PLEKHG1: variants seen among roughly 807,000 people sequenced by gnomAD.
PLEKHG1 encodes pleckstrin homology and RhoGEF domain containing G1.
Under a neutral mutation model 100.8 loss-of-function variants are expected in PLEKHG1, and 44 were observed. The ratio of observed to expected loss-of-function variants is 0.44; its 90% CI spans 0.34 to 0.56. The LOEUF (loss-of-function observed/expected upper bound fraction) is 0.56, where lower values mean the gene tolerates loss of function less well. PLEKHG1 is among the 20% of genes least tolerant of loss of function. PLEKHG1 has a pLI of 0.01. For synonymous variants in PLEKHG1, 640 were observed against 662.5 expected (o/e 0.97, Z 0.52); for missense variants, 1,545 against 1,720.9 (o/e 0.90, Z 1.81).
intron 3 of PLEKHG1, among the ~76,000 whole-genome samples, chr6:150,688,423 T>A (rs1459399032): frequency 6.6e-6 from 1 of 152,086 alleles, no homozygotes; most frequent in Non-Finnish European, 1.5e-5. Flanking sequence ...CGGGTTCAAG[T>A]GATTCTCATA....
intron 1 of PLEKHG1, among the ~76,000 whole-genome samples, chr6:150,607,599 C>T (rs17421895): frequency 0.031 from 4,671 of 152,232 alleles, 119 homozygotes; most frequent in Admixed American, 0.075. Context: ...TAAAGGTGAA[C>T]GATGCCGTGT....
intron 1 of PLEKHG1, among the ~76,000 whole-genome samples, chr6:150,631,896 G>A (rs955439948): frequency 5.3e-5 from 8 of 152,160 alleles, no homozygotes; most frequent in African/African-American, 1.2e-4. Flanking sequence ...GCTTTCTAGC[G>A]GCCTCCTTCC....
intron 2 of PLEKHG1, among the ~76,000 whole-genome samples, chr6:150,739,673 AAAAC>A (rs1782748456): frequency 3.3e-5 from 5 of 152,246 alleles, no homozygotes; most frequent in Middle Eastern, 3.4e-3. Context: ...GTCAAAAAAA[AAAAC>A]AAAAAAACAA....
intron 1 of PLEKHG1, among the ~76,000 whole-genome samples, chr6:150,724,264 C>T (rs761708054): frequency 1.3e-5 from 2 of 152,178 alleles, no homozygotes; most frequent in Non-Finnish European, 2.9e-5. Flanking sequence ...GGGCATATAT[C>T]GTTTCTACTG....
chr6:150,825,427 A>C (rs1776543116), intron 14 of PLEKHG1, among the ~76,000 whole-genome samples: 1 of 152,116 alleles, frequency 6.6e-6, no homozygotes, highest in South Asian at 2.1e-4. Flanking sequence ...AAAAAAGTAC[A>C]AAAATGAGCT....
chr6:150,767,514 A>G (rs549049196), intron 2 of PLEKHG1, among the ~76,000 whole-genome samples: 4 of 152,368 alleles, frequency 2.6e-5, no homozygotes, highest in Admixed American at 2.6e-4. Flanking sequence ...CACTTGAGAA[A>G]GTTAATGATG....
chr6:150,827,803 CAT>C, intron 14 of PLEKHG1: 1 of 1,427,338 alleles, frequency 7.0e-7, no homozygotes, highest in Non-Finnish European at 9.9e-7. Flanking sequence ...GTGGTGAAAA[CAT>C]ATGAAGATAT....
intron 3 of PLEKHG1, among the ~76,000 whole-genome samples, chr6:150,656,020 A>C (rs1778956141): frequency 6.6e-6 from 1 of 152,122 alleles, no homozygotes; most frequent in Admixed American, 6.5e-5. Flanking sequence ...TGGGTGTAGC[A>C]GACCGACATG....
chr6:150,710,445 A>G (rs969597662), intron 3 of PLEKHG1, among the ~76,000 whole-genome samples: 1 of 152,068 alleles, frequency 6.6e-6, no homozygotes, highest in Non-Finnish European at 1.5e-5. Context: ...CACACCTTTT[A>G]AGGACCCAGT....
chr6:150,838,292 T>G (rs1029433639), intron 15 of PLEKHG1, among the ~76,000 whole-genome samples: 16 of 152,248 alleles, frequency 1.1e-4, no homozygotes, highest in Admixed American at 8.5e-4. Context: ...ATAGGATGCG[T>G]TAGAGGAACC....
intron 10 of PLEKHG1, among the ~76,000 whole-genome samples, chr6:150,812,060 G>A (rs1460070451): frequency 6.6e-6 from 1 of 152,150 alleles, no homozygotes; most frequent in African/African-American, 2.4e-5. Context: ...TAAAAGTCAA[G>A]GCTGAGTCAG....
intron 3 of PLEKHG1, among the ~76,000 whole-genome samples, chr6:150,784,578 G>A (rs1338411386): frequency 1.3e-5 from 2 of 152,118 alleles, no homozygotes; most frequent in Non-Finnish European, 2.9e-5. Context: ...ACCAGCAAAG[G>A]CTATCATTAG....
rs1787375484 is a variant in PLEKHG1 at position 150,809,747 on chromosome 6, A to G, written c.1278+13A>G. 2 of 1,584,900 alleles carry G rather than the reference A, an allele frequency of 1.3e-6. No individual in the cohort carries two copies. Among genetic ancestry groups the G allele is most frequent in the Middle Eastern group, 1.7e-4 (1 of 5,988 alleles). ...GATTCCAGCTAAGGTAGGACACTGAATAATGCACAGTGAAATGGGAGAGAG... is the reference window on the plus strand; with the variant it reads ...GATTCCAGCTAAGGTAGGACACTGAGTAATGCACAGTGAAATGGGAGAGAG... On this transcript the variant is annotated intron_variant, in intron 10 of 15. Coordinates refer to ENST00000358517, the Ensembl canonical transcript of PLEKHG1.
intron 13 of PLEKHG1, 97 bp from the exon 15 acceptor site, chr6:150,823,557 T>C: frequency 1.3e-6 from 1 of 795,994 alleles, no homozygotes; most frequent in Non-Finnish European, 2.1e-6. Context: ...CTTCAATTAC[T>C]AGTAATAAGT....
intron 2 of PLEKHG1, among the ~76,000 whole-genome samples, chr6:150,740,578 C>T (rs1450499104): frequency 6.6e-6 from 1 of 152,114 alleles, no homozygotes; most frequent in African/African-American, 2.4e-5. Context: ...TTTTTAAATA[C>T]CGAGGGAGAA....
chr6:150,763,624 G>A (rs1454609487), intron 2 of PLEKHG1, among the ~76,000 whole-genome samples: 3 of 152,168 alleles, frequency 2.0e-5, no homozygotes, highest in Non-Finnish European at 4.4e-5. Flanking sequence ...CTCTGCAGAT[G>A]GGGCCTGCTA....
At chr6:150,840,434 G>A (rs762719232) in exon 16 of PLEKHG1, 221 of 1,614,032 alleles carry the variant, frequency 1.4e-4, no homozygotes, top group Non-Finnish European at 1.8e-4. Flanking sequence ...CGCATCAACA[G>A]GGCACTGAAA....
rs781617609 is a variant in PLEKHG1, at chr6:150,831,941, G to A, written c.2830G>A (p.Asp944Asn). ...TCTGGCTAGTGAAATGCCCCTCATG[G>A]ACAATCCCTACGACCTGGCCAACAG... Residue 944 changes from aspartate (D) to asparagine (N), a missense_variant, in exon 15 of 16, where the codon GAC becomes AAC. Physicochemically the swap from Asp to Asn is conservative, Grantham distance 23. Transcript: ENST00000358517. The surrounding 1 kb of genome is among the most constrained non-coding windows in gnomAD (Gnocchi z 4.1). The A allele has an allele frequency of 6.2e-7, 1 of 1,613,922 alleles. No homozygotes were observed. Among genetic ancestry groups the A allele is most frequent in the South Asian group, 1.1e-5 (1 of 91,076 alleles).
intron 5 of PLEKHG1, among the ~76,000 whole-genome samples, chr6:150,800,050 G>GTTT (rs1786595342): frequency 6.6e-6 from 1 of 152,170 alleles, no homozygotes; most frequent in Non-Finnish European, 1.5e-5. Flanking sequence ...CCTCATCTGA[G>GTTT]GCGCACTCCG....
Sources: allele counts gnomAD v4.1 joint callset (sites outside exome capture counted in the v4.1 genomes callset), GRCh38; gene constraint gnomAD v4.1.1; non-coding constraint Gnocchi (gnomAD v3.1); transcripts MANE v1.5; gene names NCBI Gene and HGNC (gene_info 2026-07-23, HGNC 2026-07-21).